BRCA2: variants seen among roughly 807,000 people sequenced by gnomAD.
BRCA2 encodes BRCA2 DNA repair associated.
A neutral mutation model predicts 276.7 loss-of-function variants in BRCA2; 203 were observed. The ratio of observed to expected loss-of-function variants is 0.73; its 90% CI spans 0.65 to 0.82. BRCA2 has a LOEUF of 0.82. Ranked by LOEUF, BRCA2 falls within the 40% of genes least tolerant of loss-of-function variation. The pLI is 0.00. For synonymous variants in BRCA2, 1,289 were observed against 1,338.4 expected (o/e 0.96, Z 0.81); for missense variants, 3,920 against 3,915.0 (o/e 1.00, Z -0.03).
intron 12 of BRCA2, among the ~76,000 whole-genome samples, chr13:32,346,540 G>A (rs935606162): frequency 1.5e-4 from 23 of 151,946 alleles, no homozygotes; most frequent in African/African-American, 3.4e-4. Context: ...TTTAAATTTG[G>A]TATTTGCATC....
intron 18 of BRCA2, among the ~76,000 whole-genome samples, chr13:32,368,001 C>CTCT (rs2072796675): frequency 4.1e-4 from 21 of 50,728 alleles, no homozygotes; most frequent in Non-Finnish European, 5.7e-4. Context: ...TCTTCTAATT[C>CTCT]TTTTTTTTTT....
At chr13:32,342,329 G>T (rs1319358027) in intron 11 of BRCA2, among the ~76,000 whole-genome samples, 1 of 151,728 alleles carries the variant, frequency 6.6e-6, no homozygotes, top group African/African-American at 2.4e-5. Flanking sequence ...ACATATAGTA[G>T]GCAGAGAGCA....
At chr13:32,388,278 A>G (rs1413005575) in intron 24 of BRCA2, among the ~76,000 whole-genome samples, 1 of 151,930 alleles carries the variant, frequency 6.6e-6, no homozygotes, top group Non-Finnish European at 1.5e-5. Context: ...GCCACCACAC[A>G]CGGCTAATTT....
rs587782670 is a variant in BRCA2 at position 32,338,026 on chromosome 13, G to A, written c.3671G>A (p.Gly1224Asp). 6.2e-7 allele frequency: 1 copy of A among 1,612,146 alleles called. No homozygotes were observed. The highest frequency in any genetic ancestry group is 1.7e-5 in the Admixed American group (1 of 59,802). The change falls in exon 11 of 27, where the codon GGC (glycine) becomes GAC (aspartate). Residue 1224 changes from glycine to aspartate, a missense_variant. By Grantham distance (94) the Gly-to-Asp change is moderately conservative. Coordinates refer to ENST00000380152, the MANE Select transcript of BRCA2 (RefSeq NM_000059.4). ...TTTAGGGGCTTTTATTCTGCTCATGGCACAAAACTGAATGTTTCTACTGAA... is the reference window on the plus strand; with the variant it reads ...TTTAGGGGCTTTTATTCTGCTCATGACACAAAACTGAATGTTTCTACTGAA... ...VGFRGFYSAH[G>D]TKLNVSTEAL...
rs2137460993 is a variant in BRCA2 at position 32,330,903 on chromosome 13, A to T, written c.682-16A>T. 1 of 1,491,370 alleles carries T rather than the reference A, an allele frequency of 6.7e-7. No individual in the cohort carries two copies. The highest frequency in any genetic ancestry group is 2.3e-5 in the East Asian group (1 of 44,042). The allele number at this position is 1,491,370 out of a possible 1,614,324, so 92.4% of individuals were successfully genotyped here. On this transcript the variant is annotated splice_polypyrimidine_tract_variant and intron_variant, in intron 8 of 26. Coordinates refer to ENST00000380152, the MANE Select transcript of BRCA2 (RefSeq NM_000059.4). Reference sequence around the variant, plus strand: ...AGAGTTTTTATACTAGTGATTTTAAACTATAATTTTTGCAGAATGTGAAAA... The same window carrying T: ...AGAGTTTTTATACTAGTGATTTTAATCTATAATTTTTGCAGAATGTGAAAA...
intron 10 of BRCA2, 22 bp downstream of exon 10, chr13:32,333,409 T>G (rs530328582): frequency 1.2e-5 from 19 of 1,599,290 alleles, no homozygotes; most frequent in Non-Finnish European, 1.5e-5. Flanking sequence ...TTTTTTTTTT[T>G]GTAAATAGTA....
chr13:32,357,649 A>G (rs2072706810), intron 15 of BRCA2, 93 bp from the exon 16 acceptor site: 1 of 1,367,726 alleles, frequency 7.3e-7, no homozygotes, highest in South Asian at 1.3e-5. Flanking sequence ...ATTTTTGGTA[A>G]ATTCAGTTTT....
chr13:32,338,424 C>T lies in BRCA2; in HGVS notation c.4069C>T (p.Leu1357=), dbSNP rs1251545928. The T allele has an allele frequency of 6.2e-7, 1 of 1,608,330 alleles. No homozygotes were observed. Among genetic ancestry groups the T allele is most frequent in the East Asian group, 2.2e-5 (1 of 44,776 alleles). ...TATTCATAAAGATGAAACGGACTTG[C>T]TATTTACTGATCAGCACAACATATG... ...VCIHKDETDL[L]FTDQHNICLK... is the part of the protein sequence containing the mutation. The change falls in exon 11 of 27, where the codon CTA becomes TTA. Residue 1357 remains leucine (L), a synonymous_variant. Transcript: ENST00000380152.
In BRCA2 at chr13:32,398,427, G is replaced by A. The variant is rs730881577; in HGVS notation, c.9914G>A (p.Gly3305Asp). 3 of 1,614,122 alleles carry A rather than the reference G, an allele frequency of 1.9e-6. No individual in the cohort carries two copies. Among genetic ancestry groups the A allele is most frequent in the South Asian group, 1.1e-5 (1 of 91,086 alleles). Residue 3305 changes from glycine to aspartate, a missense_variant, in exon 27 of 27, where the codon GGC (glycine) becomes GAC (aspartate). Transcript: ENST00000380152. ...GCATTTCAGCCACCAAGGAGTTGTG[G>A]CACCAAATACGAAACACCCATAAAG... ...QKAFQPPRSC[G>D]TKYETPIKKK...
intron 24 of BRCA2, among the ~76,000 whole-genome samples, chr13:32,394,456 T>C (rs551928173): frequency 7.2e-5 from 11 of 152,352 alleles, no homozygotes; most frequent in African/African-American, 2.6e-4. Context: ...GTATACCTGC[T>C]TCCACATGAC....
rs80358478 is a variant in BRCA2 at position 32,333,353 on chromosome 13, T to C, written c.1875T>C (p.Phe625=). The C allele has an allele frequency of 6.2e-7, 1 of 1,608,400 alleles. No individual in the cohort carries two copies. The highest frequency in any genetic ancestry group is 1.7e-5 in the Admixed American group (1 of 59,290). Residue 625 remains phenylalanine, a synonymous_variant, in exon 10 of 27, where the codon TTT becomes TTC. Coordinates refer to ENST00000380152, the MANE Select transcript of BRCA2 (RefSeq NM_000059.4). The stretch of plus-strand genomic sequence containing the variant: ...CAGCCCAGTTTGAAGCAAATGCTTT[T>C]GAAGCACCACTTACATTTGCAAATG... ...NCSAQFEANA[F]EAPLTFANAD...
intron 24 of BRCA2, among the ~76,000 whole-genome samples, chr13:32,387,491 A>G (rs1385564598): frequency 2.0e-5 from 3 of 152,166 alleles, no homozygotes; most frequent in Non-Finnish European, 2.9e-5. Flanking sequence ...GTGTCTGGGA[A>G]GACACCCGTT....
intron 24 of BRCA2, among the ~76,000 whole-genome samples, chr13:32,388,444 A>G (rs1248167232): frequency 6.6e-6 from 1 of 152,070 alleles, no homozygotes; most frequent in African/African-American, 2.4e-5. Flanking sequence ...CAACTTTATA[A>G]TGGTCTGAAA....
rs80358862 is a variant in BRCA2, at chr13:32,340,570, C to A, written c.6215C>A (p.Ser2072Tyr). ...SGKQVSILESSLHKVKGVLEE... is the reference protein window; with the variant it reads ...SGKQVSILESYLHKVKGVLEE... The stretch of plus-strand genomic sequence containing the variant: ...AAGCAAGTTTCCATTTTAGAAAGTT[C>A]CTTACACAAAGTTAAGGGAGTGTTA... Residue 2072 changes from serine (S) to tyrosine (Y), a missense_variant, in exon 11 of 27, where the codon TCC becomes TAC. Physicochemically the swap from Ser to Tyr is moderately radical, Grantham distance 144. This residue lies in a region of BRCA2 where 3,263 missense variants were observed against 3,156.9 expected (regional missense o/e 1.03). Transcript: ENST00000380152. The A allele has an allele frequency of 1.2e-6, 2 of 1,612,038 alleles. No homozygotes were observed. Among genetic ancestry groups the A allele is most frequent in the Non-Finnish European group, 1.7e-6 (2 of 1,178,978 alleles).
At chr13:32,348,924 T>C (rs920124384) in intron 13 of BRCA2, among the ~76,000 whole-genome samples, 1 of 152,140 alleles carries the variant, frequency 6.6e-6, no homozygotes, top group African/African-American at 2.4e-5. Context: ...AACTTCTTAG[T>C]AAAGATGGTG....
intron 10 of BRCA2, among the ~76,000 whole-genome samples, chr13:32,334,752 G>T (rs1042751068): frequency 1.3e-5 from 2 of 151,658 alleles, no homozygotes; most frequent in Non-Finnish European, 2.9e-5. Flanking sequence ...CTAAAATAAT[G>T]ATTTATTGCT....
chr13:32,369,239 G>A (rs2072810954), intron 18 of BRCA2, among the ~76,000 whole-genome samples: 1 of 151,920 alleles, frequency 6.6e-6, no homozygotes, highest in Admixed American at 6.6e-5. Context: ...TAATGCTGCA[G>A]CAAGAATAGG....
At position 32,378,309 on chromosome 13, in the gene BRCA2, G is replaced by C. The variant is rs117168405; in HGVS notation, c.8755-1008G>C. On this transcript the variant is annotated intron_variant, in intron 21 of 26. Transcript: ENST00000380152. Reference sequence around the variant, plus strand: ...CACCTTCTATCAAGGGAAAACCTAAGAGTAGGTTATCTTTAGGGTTCTAAG... The same window carrying C: ...CACCTTCTATCAAGGGAAAACCTAACAGTAGGTTATCTTTAGGGTTCTAAG... 0.011 allele frequency among the ~76,000 whole-genome samples: 1,699 copies of C among 152,328 alleles called. 18 individuals carry two copies. Among genetic ancestry groups the C allele is most frequent in the Non-Finnish European group, 0.016 (1,086 of 68,020 alleles).
At chr13:32,365,305 G>A (rs763643795) in intron 18 of BRCA2, among the ~76,000 whole-genome samples, 2 of 150,626 alleles carry the variant, frequency 1.3e-5, no homozygotes, top group Non-Finnish European at 3.0e-5. Flanking sequence ...CCTGGCCTGC[G>A]GTGCTGTTTT....
Sources: gnomAD v4.1 joint callset for allele counts (sites outside exome capture counted in the v4.1 genomes callset) on GRCh38, gnomAD v4.1.1 for gene constraint, gnomAD v4.1.1 regional missense constraint, MANE v1.5 for transcripts, NCBI Gene and HGNC (gene_info 2026-07-23, HGNC 2026-07-21) for gene names.